The following MGAT4C variants were observed in gnomAD, a reference collection of about 807,000 sequenced individuals.
The protein encoded by MGAT4C is alpha-1,3-mannosyl-glycoprotein 4-beta-N-acetylglucosaminyltransferase C.
MGAT4C carries 19 observed loss-of-function variants against 40.1 expected under a neutral mutation model. The ratio of observed to expected loss-of-function variants is 0.47; its 90% CI spans 0.33 to 0.70. The LOEUF is 0.70. MGAT4C is among the 30% of genes least tolerant of loss of function. The pLI, the probability that MGAT4C is intolerant of heterozygous loss-of-function variation, is 0.02. For synonymous variants in MGAT4C, 181 were observed against 187.1 expected (o/e 0.97, Z 0.27); for missense variants, 491 against 563.2 (o/e 0.87, Z 1.30).
At chr12:86,493,538 A>T (rs902984026) in intron 2 of MGAT4C, among the ~76,000 whole-genome samples, 2 of 151,996 alleles carry the variant, frequency 1.3e-5, no homozygotes, top group African/African-American at 4.8e-5. Flanking sequence ...TCAGTAAACT[A>T]TCGCAAGGAC....
chr12:86,368,763 A>G (rs1347804342), intron 3 of MGAT4C, among the ~76,000 whole-genome samples: 2 of 150,198 alleles, frequency 1.3e-5, no homozygotes, highest in Non-Finnish European at 3.0e-5. Flanking sequence ...AATGATTTCA[A>G]TATTCTTAAA....
At chr12:86,388,227 A>T (rs566002971) in intron 3 of MGAT4C, among the ~76,000 whole-genome samples, 1 of 152,208 alleles carries the variant, frequency 6.6e-6, no homozygotes, top group African/African-American at 2.4e-5. Context: ...GTTATTTAGG[A>T]GTTTGTATTT....
upstream of MGAT4C, among the ~76,000 whole-genome samples, chr12:86,259,987 C>G (rs1027088761): frequency 6.6e-6 from 1 of 151,850 alleles, no homozygotes; most frequent in Non-Finnish European, 1.5e-5. Flanking sequence ...TGAGAGGAAG[C>G]TAACCAATTT....
intron 2 of MGAT4C, among the ~76,000 whole-genome samples, chr12:86,614,384 G>A (rs970622837): frequency 2.0e-5 from 3 of 152,134 alleles, no homozygotes; most frequent in Admixed American, 6.6e-5. Context: ...GTCCTCTGAC[G>A]ATGCAGTGAG....
chr12:86,565,555 G>A (rs1960055285), intron 2 of MGAT4C, among the ~76,000 whole-genome samples: 1 of 152,186 alleles, frequency 6.6e-6, no homozygotes, highest in Non-Finnish European at 1.5e-5. Context: ...TTGCATGGAT[G>A]GAGAAATGGC....
In MGAT4C at chr12:85,977,138, T is replaced by C. The variant is rs1884048703; in HGVS notation, c.*2151A>G. 1 of 151,494 alleles carries C rather than the reference T, an allele frequency of 6.6e-6. No individual in the cohort carries two copies. Among genetic ancestry groups the C allele is most frequent in the East Asian group, 1.9e-4 (1 of 5,180 alleles). The allele number at this position is 151,494 out of a possible 1,614,324, so 9.4% of individuals were successfully genotyped here. ...CCAACTTCACTGCTACCCTCAGCAA[T>C]GTTTCTTGAAACATTTTTAAGACAT... On this transcript the variant is annotated 3_prime_UTR_variant, in exon 5 of 5. Coordinates refer to ENST00000611864, the MANE Select transcript of MGAT4C (RefSeq NM_001351288.2).
Position 85,976,616 on chromosome 12 carries a change from C to A in MGAT4C, c.*2673G>T, listed in dbSNP as rs992165898. ...TCAGCCATTCATGTCTCATGCCAGT[C>A]TTTTTCAATTGTTATTTTTAACAAA... On this transcript the variant is annotated 3_prime_UTR_variant, in exon 5 of 5. Transcript: ENST00000611864. 1 of 145,994 alleles carries A rather than the reference C, an allele frequency of 6.8e-6. No homozygotes were observed. The highest frequency in any genetic ancestry group is 1.5e-5 in the Non-Finnish European group (1 of 66,438). 9.0% of individuals were successfully genotyped at this position (145,994 alleles called of 1,614,324 possible).
intron 2 of MGAT4C, among the ~76,000 whole-genome samples, chr12:86,526,777 C>T (rs748420713): frequency 2.0e-5 from 3 of 152,206 alleles, no homozygotes; most frequent in South Asian, 2.1e-4. Flanking sequence ...CACACCAAAC[C>T]GTTTGGGTTC....
chr12:86,513,296 C>A (rs1565817929), intron 2 of MGAT4C, among the ~76,000 whole-genome samples: 1 of 152,054 alleles, frequency 6.6e-6, no homozygotes. Context: ...CCATTCAATA[C>A]CACATGACTC....
chr12:86,201,426 T>A (rs1403779273), intron 1 of MGAT4C, among the ~76,000 whole-genome samples: 1 of 144,502 alleles, frequency 6.9e-6, no homozygotes, highest in Non-Finnish European at 1.5e-5. Context: ...CCTTATAATA[T>A]TTTATTTTTA....
intron 2 of MGAT4C, among the ~76,000 whole-genome samples, chr12:86,547,351 C>A (rs1959200132): frequency 6.6e-6 from 1 of 151,950 alleles, no homozygotes; most frequent in South Asian, 2.1e-4. Context: ...TCCTTCTCTT[C>A]TTTCTTTATC....
intron 1 of MGAT4C, among the ~76,000 whole-genome samples, chr12:86,218,475 T>C (rs1045077236): frequency 6.6e-6 from 1 of 152,184 alleles, no homozygotes; most frequent in African/African-American, 2.4e-5. Context: ...ATTAAACTAA[T>C]TGAGCTTATT....
chr12:86,101,719 G>T (rs839093), intron 1 of MGAT4C, among the ~76,000 whole-genome samples: 1 of 151,498 alleles, frequency 6.6e-6, no homozygotes, highest in Non-Finnish European at 1.5e-5. Flanking sequence ...GCTGGTTTGA[G>T]AGAAGTGTAG....
chr12:86,401,319 T>G (rs1956359719), intron 3 of MGAT4C, among the ~76,000 whole-genome samples: 1 of 151,414 alleles, frequency 6.6e-6, no homozygotes, highest in African/African-American at 2.4e-5. Context: ...TATATATATT[T>G]CTATTATGGC....
At chr12:86,214,917 T>C (rs1950608964) in intron 1 of MGAT4C, among the ~76,000 whole-genome samples, 1 of 152,242 alleles carries the variant, frequency 6.6e-6, no homozygotes, top group South Asian at 2.1e-4. Flanking sequence ...ACCAATGATC[T>C]GATACTAAAG....
intron 2 of MGAT4C, among the ~76,000 whole-genome samples, chr12:86,528,454 T>C (rs1050162952): frequency 2.6e-5 from 4 of 152,074 alleles, no homozygotes; most frequent in African/African-American, 9.6e-5. Flanking sequence ...TTAAATATTA[T>C]CTTTCTTCTT....
chr12:86,383,489 T>C (rs530793524), intron 3 of MGAT4C, among the ~76,000 whole-genome samples: 27 of 129,418 alleles, frequency 2.1e-4, no homozygotes, highest in African/African-American at 7.0e-4. Context: ...GGATGGAGGT[T>C]GCAGTGAGCC....
At chr12:86,607,219 A>G (rs560578726) in intron 2 of MGAT4C, among the ~76,000 whole-genome samples, 11 of 152,070 alleles carry the variant, frequency 7.2e-5, no homozygotes, top group Non-Finnish European at 1.5e-4. Context: ...CATAATGTAT[A>G]TATTGATTTT....
chr12:86,627,453 A>T (rs917467383), intron 2 of MGAT4C, among the ~76,000 whole-genome samples: 1 of 150,754 alleles, frequency 6.6e-6, no homozygotes, highest in Non-Finnish European at 1.5e-5. Flanking sequence ...CCTAACTTGG[A>T]GACACCTCCA....
Sources: gnomAD v4.1 joint callset for allele counts (sites outside exome capture counted in the v4.1 genomes callset) on GRCh38, gnomAD v4.1.1 for gene constraint, MANE v1.5 for transcripts, NCBI Gene and HGNC (gene_info 2026-07-23, HGNC 2026-07-21) for gene names.